Variants in EML5 observed in about 807,000 individuals in gnomAD.
EML5 encodes echinoderm microtubule-associated protein-like 5.
Under a neutral mutation model 250.0 loss-of-function variants are expected in EML5, and 120 were observed. The ratio of observed to expected loss-of-function variants is 0.48; its 90% CI spans 0.41 to 0.56. The LOEUF (loss-of-function observed/expected upper bound fraction) is 0.56, where lower values mean the gene tolerates loss of function less well. Among genes scored for constraint, EML5 ranks in the 20% least tolerant of loss-of-function variants. EML5 has a pLI of 0.00. For missense variants in EML5, 2,006 were observed against 2,437.6 expected, an observed-to-expected ratio of 0.82 and a Z score of 3.73; for synonymous variants, 771 against 806.5, an observed-to-expected ratio of 0.96 and a Z score of 0.75.
chr14:88,715,658 T>C (rs2093479131), intron 8 of EML5, among the ~76,000 whole-genome samples: 1 of 151,624 alleles, frequency 6.6e-6, no homozygotes, highest in Non-Finnish European at 1.5e-5. Context: ...ACTTCAGTAA[T>C]ACTTTTTTTT....
chr14:88,726,530 T>C lies in EML5; in HGVS notation c.1187+11A>G, dbSNP rs771000873. 204 of 1,600,590 alleles carry C rather than the reference T, an allele frequency of 1.3e-4. 2 individuals carry two copies. The Admixed American group carries it at 1.4e-3, about 11-fold the overall frequency. ...ATAAAATTATTATGTGTTTCTACCC[T>C]AATACCATACCTTACTCTAAGTACA... On this transcript the variant is annotated intron_variant, in intron 8 of 43. Transcript: ENST00000554922.
intron 1 of EML5, among the ~76,000 whole-genome samples, chr14:88,770,526 CAG>C (rs2094380131): frequency 2.0e-5 from 3 of 151,988 alleles, no homozygotes; most frequent in South Asian, 2.1e-4. Context: ...GTTTCTGAAA[CAG>C]GGAAAAAAGA....
intron 27 of EML5, among the ~76,000 whole-genome samples, chr14:88,651,154 C>CTTTTTTTTT (rs869045980): frequency 2.1e-5 from 2 of 93,146 alleles, no homozygotes; most frequent in African/African-American, 8.2e-5. Context: ...TTGTCATTTT[C>CTTTTTTTTT]TTTTTTTTTT....
At chr14:88,653,415 T>C (rs2091727943) in intron 27 of EML5, among the ~76,000 whole-genome samples, 1 of 152,194 alleles carries the variant, frequency 6.6e-6, no homozygotes, top group Admixed American at 6.5e-5. Context: ...CCATTGAGTA[T>C]GATATTGGCT....
intron 17 of EML5, among the ~76,000 whole-genome samples, chr14:88,690,910 T>G (rs1211716218): frequency 2.6e-5 from 4 of 152,190 alleles, no homozygotes; most frequent in African/African-American, 9.7e-5. Context: ...TGCCAAATCC[T>G]GCCACTACCT....
intron 28 of EML5, among the ~76,000 whole-genome samples, chr14:88,647,190 G>A (rs926236205): frequency 6.0e-5 from 9 of 151,116 alleles, no homozygotes; most frequent in Admixed American, 2.0e-4. Context: ...GTGAAATCCC[G>A]TCTCTACTAA....
At chr14:88,700,527 A>C (rs1178051237) in intron 14 of EML5, among the ~76,000 whole-genome samples, 1 of 152,168 alleles carries the variant, frequency 6.6e-6, no homozygotes, top group African/African-American at 2.4e-5. Flanking sequence ...GAATTCTTCC[A>C]ACGACTTAAC....
rs2092278918 is a variant in EML5, at chr14:88,665,466, G to A, written c.3148C>T (p.Pro1050Ser). The change falls in exon 22 of 44, where the codon CCT (proline) becomes TCT (serine). Residue 1050 changes from proline (P) to serine (S), a missense_variant. Coordinates refer to ENST00000554922, the MANE Select transcript of EML5 (RefSeq NM_183387.3). The stretch of plus-strand genomic sequence containing the variant: ...CCTACGGCTAAAGCTTTACCATCAG[G>A]AGAAAAACAGCAACACCTCCCACCT... ...KKGGRCCCFS[P>S]DGKALAVGLN... is the part of the protein sequence containing the mutation. 3 of 1,613,918 alleles carry A rather than the reference G, an allele frequency of 1.9e-6. No individual in the cohort carries two copies. The highest frequency in any genetic ancestry group is 1.7e-5 in the Admixed American group (1 of 60,008).
chr14:88,777,148 G>T (rs900261672), intron 1 of EML5, among the ~76,000 whole-genome samples: 2 of 151,894 alleles, frequency 1.3e-5, no homozygotes, highest in Admixed American at 1.3e-4. Context: ...TTTAATAGTC[G>T]AACTCCCAAA....
rs932957407 is a variant in EML5 at position 88,662,902 on chromosome 14, C to A, written c.3498+129G>T. ...CCCATGTATTCTGACTCAATAAACTCAATAATATCCAATATTTTAATAATT... is the reference window on the plus strand; with the variant it reads ...CCCATGTATTCTGACTCAATAAACTAAATAATATCCAATATTTTAATAATT... On this transcript the variant is annotated intron_variant, in intron 24 of 43. Coordinates refer to ENST00000554922, the MANE Select transcript of EML5 (RefSeq NM_183387.3). 7 of 661,464 alleles carry A rather than the reference C, an allele frequency of 1.1e-5. No individual in the cohort carries two copies. The East Asian group carries it at 2.2e-4, about 20-fold the overall frequency. 41.0% of individuals were successfully genotyped at this position (661,464 alleles called of 1,614,324 possible).
chr14:88,739,528 T>C lies in EML5; in HGVS notation c.712-514A>G, dbSNP rs375126885. ...CTATACCACATGTAAAAATGAATTA[T>C]ACATGAACTTAAAAAATAACTATTT... On this transcript the variant is annotated intron_variant, in intron 5 of 43. Transcript: ENST00000554922. Among the ~76,000 whole-genome samples the C allele has an allele frequency of 2.0e-5, 3 of 152,238 alleles. No individual in the cohort carries two copies. In the East Asian group the frequency reaches 5.8e-4, roughly 29 times the overall value.
At chr14:88,790,474 C>T (rs867516764) in intron 1 of EML5, among the ~76,000 whole-genome samples, 1 of 152,188 alleles carries the variant, frequency 6.6e-6, no homozygotes, top group Non-Finnish European at 1.5e-5. Context: ...TATAACACAG[C>T]TTCTAATTAC....
At position 88,626,929 on chromosome 14, in the gene EML5, AG is replaced by A; in HGVS notation, c.4648del (p.Leu1550TrpfsTer13). ...TTTGCTAAGAAGAGCTCTTCCTGCC[AG>A]GGTCCAGAACTTCACATGTTTTACT... The part of the protein sequence containing the change: ...VGVKHVKFWT[L>X]AGRALLSKKG... On this transcript the variant is annotated frameshift_variant, in exon 35 of 44. Transcript: ENST00000554922. LOFTEE classifies it high-confidence loss of function. 6.2e-7 allele frequency: 1 copy of A among 1,614,006 alleles called. No homozygotes were observed.
intron 1 of EML5, among the ~76,000 whole-genome samples, chr14:88,787,120 A>G (rs992889162): frequency 2.6e-5 from 4 of 152,218 alleles, no homozygotes; most frequent in African/African-American, 7.2e-5. Context: ...TCTTCCCAGA[A>G]TGCTATACCT....
intron 1 of EML5, among the ~76,000 whole-genome samples, chr14:88,783,077 T>C (rs1367689547): frequency 6.6e-6 from 1 of 150,418 alleles, no homozygotes; most frequent in Non-Finnish European, 1.5e-5. Flanking sequence ...TGAGACTCCA[T>C]GTCAAAAAAA....
chr14:88,657,129 G>A (rs1175253572), intron 27 of EML5, among the ~76,000 whole-genome samples: 1 of 151,844 alleles, frequency 6.6e-6, no homozygotes, highest in South Asian at 2.1e-4. Flanking sequence ...AAGTAGCTGG[G>A]GCTACAAACA....
intron 36 of EML5, chr14:88,623,596 T>A (rs2089450014): frequency 6.6e-6 from 1 of 151,990 alleles, no homozygotes; most frequent in Admixed American, 6.6e-5. Context: ...GTATTTTTAG[T>A]AGAGATGGAG....
intron 21 of EML5, 146 bp from the exon 22 acceptor site, chr14:88,665,635 C>G: frequency 2.0e-6 from 2 of 1,008,576 alleles, no homozygotes; most frequent in Non-Finnish European, 2.9e-6. Flanking sequence ...AAGACCAGCC[C>G]GGGCAACATA....
At chr14:88,653,721 C>T (rs575744118) in intron 27 of EML5, among the ~76,000 whole-genome samples, 1 of 152,144 alleles carries the variant, frequency 6.6e-6, no homozygotes, top group African/African-American at 2.4e-5. Flanking sequence ...AGGACTTTCA[C>T]ATCGATGTTT....
Sources: allele counts gnomAD v4.1 joint callset (sites outside exome capture counted in the v4.1 genomes callset), GRCh38; gene constraint gnomAD v4.1.1; transcripts MANE v1.5; gene names NCBI Gene and HGNC (gene_info 2026-07-23, HGNC 2026-07-21).